The following SFXN5 variants were observed in gnomAD, a reference collection of about 807,000 sequenced individuals.
SFXN5 encodes the protein sideroflexin-5.
Under a neutral mutation model 50.2 loss-of-function variants are expected in SFXN5, and 43 were observed. The observed-to-expected ratio is 0.86, with a 90% confidence interval of 0.67 to 1.11. The LOEUF is 1.11. Among genes scored for constraint, SFXN5 ranks in the 50% least tolerant of loss-of-function variants. The probability of loss-of-function intolerance (pLI) is 0.00; values close to 1 mark genes in which losing one functional copy is unlikely to be tolerated. For synonymous variants in SFXN5, 203 were observed against 185.8 expected (o/e 1.09, Z -0.75); for missense variants, 463 against 454.1 (o/e 1.02, Z -0.18).
chr2:72,988,247 G>A lies in SFXN5; in HGVS notation c.625+11C>T, dbSNP rs1019885840. The A allele has an allele frequency of 6.2e-7, 1 of 1,612,646 alleles. No individual in the cohort carries two copies. The highest frequency in any genetic ancestry group is 1.7e-5 in the Admixed American group (1 of 59,952). ...CCCACAGCACACATCTATGTGGTGT[G>A]CAGGTCTTACCTACAGCAGGGAACG... On this transcript the variant is annotated intron_variant, in intron 10 of 13. Transcript: ENST00000272433.
At chr2:73,004,148 C>T (rs1674286729) in intron 6 of SFXN5, among the ~76,000 whole-genome samples, 1 of 152,004 alleles carries the variant, frequency 6.6e-6, no homozygotes, top group Admixed American at 6.6e-5. Flanking sequence ...GGCTTGGGGG[C>T]CCGGACTCTG....
chr2:72,963,715 C>A (rs993427660), intron 12 of SFXN5, among the ~76,000 whole-genome samples: 1 of 152,216 alleles, frequency 6.6e-6, no homozygotes, highest in African/African-American at 2.4e-5. Context: ...AACTCAGACC[C>A]AGCCTGGTGC....
At chr2:72,963,868 G>A (rs1160983644) in intron 12 of SFXN5, among the ~76,000 whole-genome samples, 4 of 152,186 alleles carry the variant, frequency 2.6e-5, no homozygotes, top group African/African-American at 7.2e-5. Context: ...CAGGGAGGGT[G>A]TCAAGTGTGA....
intron 3 of SFXN5, among the ~76,000 whole-genome samples, chr2:73,034,533 T>C (rs1678718267): frequency 1.3e-5 from 2 of 152,172 alleles, no homozygotes; most frequent in South Asian, 4.1e-4. Context: ...AAATCCATCC[T>C]GCATGGGGGC....
intron 12 of SFXN5, among the ~76,000 whole-genome samples, chr2:72,964,971 C>T (rs1674202265): frequency 6.6e-6 from 1 of 152,262 alleles, no homozygotes; most frequent in Non-Finnish European, 1.5e-5. Context: ...GCTCCACCCC[C>T]AGGCCTGTGC....
At position 73,026,430 on chromosome 2, in the gene SFXN5, C is replaced by T. The variant is rs1004851470; in HGVS notation, c.250-3216G>A. 2.0e-5 allele frequency among the ~76,000 whole-genome samples: 3 copies of T among 152,010 alleles called. No individual in the cohort carries two copies. The East Asian group carries it at 5.8e-4, about 29-fold the overall frequency. ...ACACCTCGCCCAACATGGTTGCTGC[C>T]TTGACTTTAATACAGGCATTGCCAC... On this transcript the variant is annotated intron_variant, in intron 3 of 13. Coordinates refer to ENST00000272433, the MANE Select transcript of SFXN5 (RefSeq NM_144579.3).
intron 1 of SFXN5, chr2:73,071,295 G>A: frequency 2.6e-6 from 1 of 388,850 alleles, no homozygotes; most frequent in Non-Finnish European, 4.6e-6. Context: ...TCGAAGCCGG[G>A]CGCTCGGGAC....
intron 3 of SFXN5, among the ~76,000 whole-genome samples, chr2:73,026,713 T>C (rs1279970252): frequency 6.6e-6 from 1 of 151,980 alleles, no homozygotes; most frequent in Admixed American, 6.6e-5. Context: ...CTTATTATTT[T>C]ATTTTATTTA....
At chr2:73,011,748 A>G (rs185013319) in intron 6 of SFXN5, among the ~76,000 whole-genome samples, 1 of 152,314 alleles carries the variant, frequency 6.6e-6, no homozygotes, top group East Asian at 1.9e-4. Context: ...ATTGGCAAAA[A>G]CGTTAAAAAG....
intron 11 of SFXN5, among the ~76,000 whole-genome samples, chr2:72,971,192 T>C (rs1256197989): frequency 2.0e-5 from 3 of 152,056 alleles, no homozygotes; most frequent in Non-Finnish European, 4.4e-5. Context: ...CCAGGCTTCC[T>C]CGGCTTACCC....
In SFXN5 at chr2:72,945,063, C is replaced by T. The variant is rs149923460; in HGVS notation, c.982G>A (p.Ala328Thr). 55 of 1,614,014 alleles carry T rather than the reference C, an allele frequency of 3.4e-5. No homozygotes were observed. The African/African-American group carries it at 6.8e-4, about 20-fold the overall frequency. ...TSQLEPEIAQ[A>T]TSSRTVVYNK... is the part of the protein sequence containing the mutation. ...TACACCACTGTCCGGCTGCTCGTGGCCTGGGCTATCTCCGGCTCTAATTGG... is the reference window on the plus strand; with the variant it reads ...TACACCACTGTCCGGCTGCTCGTGGTCTGGGCTATCTCCGGCTCTAATTGG... Residue 328 changes from alanine to threonine, a missense_variant, in exon 14 of 14, where the codon GCC becomes ACC. Transcript: ENST00000272433. This position sits in a 1 kb window ranked among gnomAD's most constrained non-coding sequence, Gnocchi z 5.8.
intron 1 of SFXN5, among the ~76,000 whole-genome samples, chr2:73,066,566 A>T (rs763268505): frequency 8.5e-5 from 13 of 152,126 alleles, no homozygotes; most frequent in Non-Finnish European, 5.9e-5. Flanking sequence ...TCCAAAAAAA[A>T]AAAATAAAAG....
chr2:73,022,600 T>C (rs748551284), intron 4 of SFXN5, 24 bp from the exon 5 acceptor site: 4 of 522,098 alleles, frequency 7.7e-6, no homozygotes, highest in African/African-American at 1.5e-4. Flanking sequence ...GAACAGAGAA[T>C]GGGGTGGGGA....
intron 2 of SFXN5, among the ~76,000 whole-genome samples, chr2:73,044,284 G>C (rs558271736): frequency 3.3e-5 from 5 of 152,222 alleles, no homozygotes; most frequent in Non-Finnish European, 7.3e-5. Flanking sequence ...ACAAATCTGA[G>C]GGCCCAGGAC....
intron 1 of SFXN5, chr2:73,059,441 T>C: frequency 1.0e-6 from 1 of 985,326 alleles, no homozygotes. Context: ...AGCACCATCC[T>C]TTGCACAGTG....
intron 10 of SFXN5, among the ~76,000 whole-genome samples, chr2:72,971,973 T>G (rs915370694): frequency 2.0e-5 from 3 of 152,170 alleles, no homozygotes; most frequent in East Asian, 3.9e-4. Context: ...TTTCCTCTCC[T>G]CCAGGGCAAG....
chr2:72,974,332 C>T (rs896976225), intron 10 of SFXN5, among the ~76,000 whole-genome samples: 17 of 152,100 alleles, frequency 1.1e-4, no homozygotes, highest in African/African-American at 2.4e-4. Context: ...CCTGTAATCT[C>T]CAAACATTAA....
intron 9 of SFXN5, among the ~76,000 whole-genome samples, chr2:72,994,368 TCCCCTGGAA>T (rs1672964291): frequency 6.6e-6 from 1 of 152,052 alleles, no homozygotes; most frequent in Admixed American, 6.5e-5. Flanking sequence ...AGCACAGGGA[TCCCCTGGAA>T]CCCCTTCTTC....
intron 10 of SFXN5, among the ~76,000 whole-genome samples, chr2:72,977,509 A>G (rs1670762398): frequency 6.6e-6 from 1 of 152,212 alleles, no homozygotes; most frequent in Non-Finnish European, 1.5e-5. Context: ...GGAAAAAAAA[A>G]TCTGCAGGAG....
Sources: gnomAD v4.1 joint callset for allele counts (sites outside exome capture counted in the v4.1 genomes callset) on GRCh38, gnomAD v4.1.1 for gene constraint, Gnocchi (gnomAD v3.1) non-coding constraint, MANE v1.5 for transcripts, NCBI Gene and HGNC (gene_info 2026-07-23, HGNC 2026-07-21) for gene names.